Variants in CYP19A1 observed in about 807,000 individuals in gnomAD.
CYP19A1 encodes cytochrome P450 family 19 subfamily A member 1.
Under a neutral mutation model 44.4 loss-of-function variants are expected in CYP19A1, and 32 were observed. That is an observed-to-expected ratio of 0.72 (90% CI 0.54 to 0.97). The LOEUF is 0.97. Among genes scored for constraint, CYP19A1 ranks in the 50% least tolerant of loss-of-function variants. The pLI is 0.00. For synonymous variants in CYP19A1, 212 were observed against 215.6 expected, an observed-to-expected ratio of 0.98 and a Z score of 0.14; for missense variants, 598 against 637.8, an observed-to-expected ratio of 0.94 and a Z score of 0.67.
intron 1 of CYP19A1, among the ~76,000 whole-genome samples, chr15:51,262,556 CAGTT>C (rs1414143316): frequency 6.6e-6 from 1 of 152,188 alleles, no homozygotes; most frequent in Non-Finnish European, 1.5e-5. Flanking sequence ...TTACTGCTGA[CAGTT>C]AGTCTTCCAA....
At chr15:51,320,821 A>G (rs1258132673) in intron 1 of CYP19A1, 4 of 152,352 alleles carry the variant, frequency 2.6e-5, no homozygotes, top group East Asian at 1.9e-4. Flanking sequence ...ATCTTAATAT[A>G]TTTAATTCAA....
At chr15:51,296,373 G>T (rs1031986502) in intron 1 of CYP19A1, among the ~76,000 whole-genome samples, 7 of 152,108 alleles carry the variant, frequency 4.6e-5, no homozygotes, top group Admixed American at 4.6e-4. Flanking sequence ...GGTGGCAGGT[G>T]GGGGCATGAC....
intron 1 of CYP19A1, among the ~76,000 whole-genome samples, chr15:51,306,924 TAA>T (rs370768775): frequency 6.6e-6 from 1 of 152,074 alleles, no homozygotes; most frequent in African/African-American, 2.4e-5. Context: ...AAGGCACGGG[TAA>T]AGTTGGGAAG....
intron 1 of CYP19A1, among the ~76,000 whole-genome samples, chr15:51,313,787 A>T (rs2036365024): frequency 6.6e-6 from 1 of 151,872 alleles, no homozygotes; most frequent in Admixed American, 6.6e-5. Flanking sequence ...ACAGAGTGAG[A>T]CTCTATCTCA....
chr15:51,234,593 T>C (rs1211961103), intron 3 of CYP19A1, among the ~76,000 whole-genome samples: 1 of 152,134 alleles, frequency 6.6e-6, no homozygotes, highest in Non-Finnish European at 1.5e-5. Flanking sequence ...CTTTCTCAAG[T>C]CTATCATTCT....
At chr15:51,291,790 A>G (rs2035852854) in intron 1 of CYP19A1, among the ~76,000 whole-genome samples, 1 of 152,258 alleles carries the variant, frequency 6.6e-6, no homozygotes, top group Non-Finnish European at 1.5e-5. Context: ...AGCTCAGGCT[A>G]GAACCATGAG....
intron 1 of CYP19A1, among the ~76,000 whole-genome samples, chr15:51,270,973 C>T (rs2035103032): frequency 6.6e-6 from 1 of 152,196 alleles, no homozygotes; most frequent in South Asian, 2.1e-4. Flanking sequence ...CTGTTCCTCC[C>T]AAATTGCTTT....
chr15:51,281,918 G>A (rs76833624), intron 1 of CYP19A1, among the ~76,000 whole-genome samples: 4 of 152,030 alleles, frequency 2.6e-5, no homozygotes, highest in Non-Finnish European at 5.9e-5. Flanking sequence ...CTCATATTTT[G>A]GGATAGAAAT....
intron 1 of CYP19A1, among the ~76,000 whole-genome samples, chr15:51,271,312 A>C (rs1380804216): frequency 6.6e-6 from 1 of 152,148 alleles, no homozygotes; most frequent in Non-Finnish European, 1.5e-5. Context: ...CGAGTCACCT[A>C]AAGTTCTGAC....
chr15:51,223,131 T>G (rs1039544178), intron 4 of CYP19A1, among the ~76,000 whole-genome samples: 2 of 152,146 alleles, frequency 1.3e-5, no homozygotes, highest in Non-Finnish European at 2.9e-5. Flanking sequence ...GCTAAGCAAT[T>G]CCTTGCTTGC....
intron 4 of CYP19A1, among the ~76,000 whole-genome samples, chr15:51,224,733 A>G (rs2032427510): frequency 6.6e-6 from 1 of 152,210 alleles, no homozygotes; most frequent in African/African-American, 2.4e-5. Context: ...TATTCTGCTT[A>G]AAATCTTTAG....
At chr15:51,304,335 T>A (rs894964441) in intron 1 of CYP19A1, among the ~76,000 whole-genome samples, 1 of 152,204 alleles carries the variant, frequency 6.6e-6, no homozygotes, top group Non-Finnish European at 1.5e-5. Flanking sequence ...TCATCTCTTT[T>A]TAGCCCTTAG....
In CYP19A1 at chr15:51,227,894, G is replaced by A. The variant is rs139905959; in HGVS notation, c.336C>T (p.Tyr112=). 42 of 1,591,192 alleles carry A rather than the reference G, an allele frequency of 2.6e-5. No homozygotes were observed. In the South Asian group the frequency reaches 3.1e-4, roughly 12 times the overall value. The stretch of plus-strand genomic sequence containing the variant: ...CAAGTTTGCTGCCGAATCGAGAGCT[G>A]TAATGATTGTGCTTCATTATGTGGA... ...SMFHIMKHNH[Y]SSRFGSKLGL... is the part of the protein sequence containing the mutation. Residue 112 remains tyrosine (Y), a synonymous_variant, in exon 4 of 10, where the codon TAC becomes TAT. Transcript: ENST00000396402.
chr15:51,295,151 TTTTTAA>T (rs1254696828), intron 1 of CYP19A1, among the ~76,000 whole-genome samples: 2 of 150,608 alleles, frequency 1.3e-5, no homozygotes, highest in African/African-American at 4.9e-5. Flanking sequence ...TTTTTTTTTT[TTTTTAA>T]TTAATTTGAG....
At chr15:51,293,826 C>T (rs571078156) in intron 1 of CYP19A1, 38 of 180,646 alleles carry the variant, frequency 2.1e-4, no homozygotes, top group African/African-American at 8.8e-4. Context: ...CACAAGGTGC[C>T]GGGATTGCAG....
At chr15:51,272,137 G>A (rs1238657127) in intron 1 of CYP19A1, among the ~76,000 whole-genome samples, 1 of 152,194 alleles carries the variant, frequency 6.6e-6, no homozygotes, top group Non-Finnish European at 1.5e-5. Flanking sequence ...CACACCGTGA[G>A]TGCCAACTTT....
At chr15:51,315,079 C>T (rs2036396959) in intron 1 of CYP19A1, among the ~76,000 whole-genome samples, 1 of 152,078 alleles carries the variant, frequency 6.6e-6, no homozygotes, top group South Asian at 2.1e-4. Context: ...TACAAATCTG[C>T]TGCTTCAAGC....
chr15:51,288,264 C>A (rs1319880370), intron 1 of CYP19A1, among the ~76,000 whole-genome samples: 1 of 152,152 alleles, frequency 6.6e-6, no homozygotes, highest in Non-Finnish European at 1.5e-5. Flanking sequence ...GTGCTCAATC[C>A]TGCCATACTC....
chr15:51,283,763 C>A (rs1261246539), intron 1 of CYP19A1, among the ~76,000 whole-genome samples: 1 of 152,224 alleles, frequency 6.6e-6, no homozygotes, highest in African/African-American at 2.4e-5. Context: ...AGATGGACAA[C>A]CTCTTTCAGG....
Sources: gnomAD v4.1 joint callset for allele counts (sites outside exome capture counted in the v4.1 genomes callset) on GRCh38, gnomAD v4.1.1 for gene constraint, MANE v1.5 for transcripts, NCBI Gene and HGNC (gene_info 2026-07-23, HGNC 2026-07-21) for gene names.